Variants in PAXBP1 observed in about 807,000 individuals in gnomAD.
The protein encoded by PAXBP1 is PAX3 and PAX7 binding protein 1.
In PAXBP1, 44 loss-of-function variants were observed where a neutral mutation model predicts 119.9. The ratio of observed to expected loss-of-function variants is 0.37; its 90% CI spans 0.29 to 0.47. The LOEUF is 0.47. Ranked by LOEUF, PAXBP1 falls within the 20% of genes least tolerant of loss-of-function variation. PAXBP1 has a pLI of 0.99. For missense variants in PAXBP1, 898 were observed against 1,134.1 expected, an observed-to-expected ratio of 0.79 and a Z score of 2.99; for synonymous variants, 393 against 406.6, an observed-to-expected ratio of 0.97 and a Z score of 0.40.
intron 2 of PAXBP1, 71 bp downstream of exon 2, chr21:32,769,743 T>A (rs963406771): frequency 1.3e-6 from 2 of 1,527,088 alleles, no homozygotes; most frequent in Non-Finnish European, 8.9e-7. Flanking sequence ...TCAGAAGATA[T>A]ACAGCAAATC....
intron 11 of PAXBP1, among the ~76,000 whole-genome samples, 169 bp from the exon 12 acceptor site, chr21:32,745,887 C>G (rs1342930245): frequency 6.6e-6 from 1 of 152,128 alleles, no homozygotes; most frequent in Non-Finnish European, 1.5e-5. Flanking sequence ...CCACAGTAAC[C>G]AAAACAGCAT....
chr21:32,746,419 AC>A (rs112495782), intron 11 of PAXBP1, among the ~76,000 whole-genome samples: 270 of 152,332 alleles, frequency 1.8e-3, no homozygotes, highest in Middle Eastern at 6.8e-3. Flanking sequence ...TAGGAAAAAA[AC>A]AACCCCATTA....
intron 14 of PAXBP1, 135 bp downstream of exon 14, chr21:32,743,543 C>T (rs868501859): frequency 2.6e-5 from 19 of 744,876 alleles, no homozygotes; most frequent in Non-Finnish European, 3.8e-5. Flanking sequence ...GGAACAATCT[C>T]GCCACTAATC....
rs745599782 is a variant in PAXBP1 at position 32,748,614 on chromosome 21, T to G, written c.1808A>C (p.Glu603Ala). ...TGTGTAGTATTTTGAACGCCATGCT[T>G]CAAACTGTGATTTAATACAGTCAAT... ...YSIDCIKSQF[E>A]AWRSKYYTSY... The change falls in exon 11 of 18, where the codon GAA becomes GCA. Residue 603 changes from glutamate (E) to alanine (A), a missense_variant. Transcript: ENST00000331923. The G allele has an allele frequency of 6.2e-7, 1 of 1,614,048 alleles. No individual in the cohort carries two copies. The highest frequency in any genetic ancestry group is 1.1e-5 in the South Asian group (1 of 91,076).
chr21:32,766,495 T>C (rs1382811164), intron 2 of PAXBP1, among the ~76,000 whole-genome samples: 2 of 152,150 alleles, frequency 1.3e-5, no homozygotes, highest in Non-Finnish European at 2.9e-5. Flanking sequence ...CTCCCTCTCC[T>C]CTTCTACAAA....
intron 3 of PAXBP1, among the ~76,000 whole-genome samples, chr21:32,763,219 A>T (rs1601607498): frequency 1.3e-5 from 2 of 152,342 alleles, no homozygotes; most frequent in East Asian, 1.9e-4. Flanking sequence ...GCAAAAATTA[A>T]TGCCTCCCTA....
chr21:32,761,859 A>G (rs1330914206), intron 4 of PAXBP1, among the ~76,000 whole-genome samples: 1 of 152,172 alleles, frequency 6.6e-6, no homozygotes, highest in Non-Finnish European at 1.5e-5. Flanking sequence ...GTGAGACCCC[A>G]TAACTACAAA....
At position 32,758,594 on chromosome 21, in the gene PAXBP1, G is replaced by A. The variant is rs776269582; in HGVS notation, c.1383+486C>T. On this transcript the variant is annotated intron_variant, in intron 7 of 17. Transcript: ENST00000331923. Reference sequence around the variant, plus strand: ...TGGTTTCTGAAAGAAATCAAGCATAGGCTTACTTAGATAAAAACTATTAGC... The same window carrying A: ...TGGTTTCTGAAAGAAATCAAGCATAAGCTTACTTAGATAAAAACTATTAGC... Among the ~76,000 whole-genome samples, 98 of 143,192 alleles carry A rather than the reference G, an allele frequency of 6.8e-4. 1 individual carries two copies. The highest frequency in any genetic ancestry group is 1.1e-3 in the Non-Finnish European group (72 of 66,468). The allele number at this position is 143,192 out of a possible 152,430, so 93.9% of individuals were successfully genotyped here.
At chr21:32,754,655 T>A (rs372080985) in intron 8 of PAXBP1, among the ~76,000 whole-genome samples, 5 of 152,206 alleles carry the variant, frequency 3.3e-5, no homozygotes, top group African/African-American at 1.2e-4. Flanking sequence ...AAGCACCAAC[T>A]GACTTACTAA....
intron 2 of PAXBP1, 135 bp downstream of exon 2, chr21:32,769,679 C>A: frequency 1.3e-6 from 1 of 755,180 alleles, no homozygotes; most frequent in Admixed American, 3.5e-5. Context: ...AATAACAGAA[C>A]TGTACTGCTA....
At chr21:32,762,015 A>G (rs1464107922) in intron 4 of PAXBP1, 81 bp downstream of exon 4, 1 of 1,429,352 alleles carries the variant, frequency 7.0e-7, no homozygotes, top group East Asian at 2.3e-5. Context: ...ACTCTGGCCT[A>G]AGTGATGGAA....
chr21:32,767,775 A>T (rs1212038260), intron 2 of PAXBP1, among the ~76,000 whole-genome samples: 1 of 152,188 alleles, frequency 6.6e-6, no homozygotes, highest in Non-Finnish European at 1.5e-5. Flanking sequence ...TGTAAGTCCA[A>T]TTAAACCTCT....
intron 2 of PAXBP1, among the ~76,000 whole-genome samples, chr21:32,768,113 G>GCCCCACCT (rs2044274475): frequency 2.0e-5 from 3 of 152,098 alleles, no homozygotes; most frequent in African/African-American, 7.2e-5. Context: ...TAACAGGTGG[G>GCCCCACCT]GCCCTTAAAT....
At chr21:32,744,517 A>G (rs954653737) in intron 13 of PAXBP1, among the ~76,000 whole-genome samples, 9 of 152,166 alleles carry the variant, frequency 5.9e-5, no homozygotes, top group Non-Finnish European at 1.2e-4. Context: ...GTGAGAAATC[A>G]TAATGAAAGG....
intron 5 of PAXBP1, 111 bp from the exon 6 acceptor site, chr21:32,760,105 ATTATGTAAT>A (rs2044115078): frequency 1.3e-6 from 1 of 764,828 alleles, no homozygotes; most frequent in Non-Finnish European, 2.1e-6. Flanking sequence ...TTTGCCAAAT[ATTATGTAAT>A]AATTGCAGAA....
intron 8 of PAXBP1, chr21:32,752,058 C>G (rs2043965417): frequency 6.6e-6 from 1 of 152,248 alleles, no homozygotes; most frequent in Non-Finnish European, 1.5e-5. Flanking sequence ...TTACAGAAAA[C>G]TTGCATACTT....
chr21:32,764,456 C>T lies in PAXBP1; in HGVS notation c.541G>A (p.Glu181Lys), dbSNP rs1459633416. The T allele has an allele frequency of 6.2e-7, 1 of 1,613,776 alleles. No homozygotes were observed. Among genetic ancestry groups the T allele is most frequent in the South Asian group, 1.1e-5 (1 of 91,070 alleles). Residue 181 changes from glutamate (E) to lysine (K), a missense_variant, in exon 3 of 18, where the codon GAA becomes AAA. Physicochemically the swap from Glu to Lys is moderately conservative, Grantham distance 56. Around this residue, in one of 2 missense-constraint regions of PAXBP1, gnomAD observed 299 missense variants for 281.4 expected, o/e 1.06. Transcript: ENST00000331923. ...TNQEDGVIIS[E>K]HGEDEMDMES... ...ATATCCATTTCATCTTCACCATGTT[C>T]ACTGATGATAACTCCATCTTCTTGA... is the stretch of plus-strand genomic sequence containing the variant.
chr21:32,741,446 G>T, intron 15 of PAXBP1: 1 of 657,050 alleles, frequency 1.5e-6, no homozygotes, highest in Non-Finnish European at 2.8e-6. Context: ...ACTATGTTTA[G>T]GTTTAACGAA....
intron 12 of PAXBP1, 149 bp from the exon 13 acceptor site, chr21:32,745,062 G>C (rs2043852984): frequency 1.3e-6 from 1 of 795,710 alleles, no homozygotes; most frequent in Non-Finnish European, 1.9e-6. Context: ...TTAACTGTGG[G>C]AATTTGGAGG....
Sources: allele counts gnomAD v4.1 joint callset (sites outside exome capture counted in the v4.1 genomes callset), GRCh38; gene constraint gnomAD v4.1.1; regional missense constraint gnomAD v4.1.1; transcripts MANE v1.5; gene names NCBI Gene and HGNC (gene_info 2026-07-23, HGNC 2026-07-21).